The following NEDD4L variants were observed in gnomAD, a reference collection of about 807,000 sequenced individuals.
NEDD4L encodes the protein E3 ubiquitin-protein ligase NEDD4-like.
NEDD4L carries 54 observed loss-of-function variants against 148.9 expected under a neutral mutation model. The ratio of observed to expected loss-of-function variants is 0.36; its 90% CI spans 0.29 to 0.45. The LOEUF is 0.45. Ranked by LOEUF, NEDD4L falls within the 20% of genes least tolerant of loss-of-function variation. NEDD4L has a pLI of 1.00. For synonymous variants in NEDD4L, 433 were observed against 440.7 expected (o/e 0.98, Z 0.22); for missense variants, 856 against 1,233.8 (o/e 0.69, Z 4.59).
chr18:58,308,094 T>C (rs1352508154), intron 5 of NEDD4L, among the ~76,000 whole-genome samples: 1 of 152,222 alleles, frequency 6.6e-6, no homozygotes, highest in Non-Finnish European at 1.5e-5. Context: ...CAATATTATA[T>C]TAAGAGAACC....
chr18:58,101,404 C>T (rs947596791), intron 1 of NEDD4L, among the ~76,000 whole-genome samples: 2 of 152,138 alleles, frequency 1.3e-5, no homozygotes, highest in African/African-American at 2.4e-5. Flanking sequence ...TTGCAATCTG[C>T]GCCTTCTGAA....
At chr18:58,227,475 C>A (rs2044500475) in intron 2 of NEDD4L, among the ~76,000 whole-genome samples, 1 of 152,156 alleles carries the variant, frequency 6.6e-6, no homozygotes, top group South Asian at 2.1e-4. Context: ...GTCACCTCAT[C>A]CCACCTTTAC....
chr18:58,377,092 C>G (rs951778210), intron 24 of NEDD4L, among the ~76,000 whole-genome samples: 7 of 152,228 alleles, frequency 4.6e-5, no homozygotes, highest in Admixed American at 6.5e-5. Flanking sequence ...AGCTTCCTCC[C>G]GATGATGGCA....
chr18:58,372,854 G>A (rs776840845), intron 23 of NEDD4L, among the ~76,000 whole-genome samples: 1 of 150,668 alleles, frequency 6.6e-6, no homozygotes, highest in African/African-American at 2.4e-5. Context: ...AAAAGAGAGA[G>A]AGAAAAGAAA....
intron 3 of NEDD4L, among the ~76,000 whole-genome samples, chr18:58,248,331 G>A (rs2047522083): frequency 1.3e-5 from 2 of 152,208 alleles, no homozygotes; most frequent in Admixed American, 1.3e-4. Context: ...GAGGAAGACT[G>A]AAGGATAAGT....
Position 58,047,831 on chromosome 18 carries a change from GT to G in NEDD4L, c.48+3124del, listed in dbSNP as rs1432618299. Among the ~76,000 whole-genome samples the G allele has an allele frequency of 3.3e-5, 5 of 152,290 alleles. No individual in the cohort carries two copies. The East Asian group carries it at 9.6e-4, about 29-fold the overall frequency. ...ATTTCTTTATTTTTGGCAATCTGTA[GT>G]GCATTTTGGCATAGTTTACTTATGA... On this transcript the variant is annotated intron_variant, in intron 1 of 30. Transcript: ENST00000400345.
rs148138697 is a variant in NEDD4L, at chr18:58,074,171, T to G, written c.48+29463T>G. On this transcript the variant is annotated intron_variant, in intron 1 of 30. Coordinates refer to ENST00000400345, the MANE Select transcript of NEDD4L (RefSeq NM_001144967.3). ...CTCATCTAACAGGTGAGCTTAAGTT[T>G]CCATTGATGGCAGACCTATCAGATG... Among the ~76,000 whole-genome samples, 283 of 152,254 alleles carry G rather than the reference T, an allele frequency of 1.9e-3. 5 individuals are homozygous for G. The East Asian group carries it at 0.049, about 26-fold the overall frequency.
rs568038531 is a variant in NEDD4L, at chr18:58,186,109, G to A, written c.122+20248G>A. On this transcript the variant is annotated intron_variant, in intron 2 of 30. Transcript: ENST00000400345. Reference sequence around the variant, plus strand: ...CAGAGAAGGATACGTATGCACACGGGAACAGAGAAGGATGCACAAGAACAT... The same window carrying A: ...CAGAGAAGGATACGTATGCACACGGAAACAGAGAAGGATGCACAAGAACAT... Among the ~76,000 whole-genome samples, 360 of 140,274 alleles carry A rather than the reference G, an allele frequency of 2.6e-3. 5 individuals carry two copies. Among genetic ancestry groups the A allele is most frequent in the African/African-American group, 0.011 (333 of 30,320 alleles). 92.0% of individuals were successfully genotyped at this position (140,274 alleles called of 152,430 possible). A position where few individuals can be genotyped will look rare whatever the true frequency, so the allele number is the denominator to read the frequency against.
chr18:58,225,711 T>TA (rs2044273699), intron 2 of NEDD4L, among the ~76,000 whole-genome samples: 1 of 152,124 alleles, frequency 6.6e-6, no homozygotes, highest in Non-Finnish European at 1.5e-5. Context: ...AAGGGCACAT[T>TA]ATTAGGTCCG....
At chr18:58,314,278 G>A (rs1409825771) in intron 5 of NEDD4L, among the ~76,000 whole-genome samples, 4 of 152,040 alleles carry the variant, frequency 2.6e-5, no homozygotes, top group East Asian at 1.9e-4. Context: ...TTAGCTGGGC[G>A]TGGTGGTGTG....
chr18:58,225,954 G>A (rs1189526584), intron 2 of NEDD4L, among the ~76,000 whole-genome samples: 3 of 152,166 alleles, frequency 2.0e-5, no homozygotes, highest in African/African-American at 7.2e-5. Context: ...ACATTTTCCA[G>A]TGTGTCTACT....
At chr18:58,338,191 A>G (rs774371607) in intron 13 of NEDD4L, among the ~76,000 whole-genome samples, 5 of 152,256 alleles carry the variant, frequency 3.3e-5, no homozygotes, top group Non-Finnish European at 7.3e-5. Context: ...TATTCAGTCT[A>G]TGATGAAAAG....
intron 1 of NEDD4L, among the ~76,000 whole-genome samples, chr18:58,127,095 T>G (rs563283): frequency 0.12 from 18,281 of 152,280 alleles, 1,137 homozygotes; most frequent in South Asian, 0.23. Context: ...TGCTTTTCTC[T>G]GATAGCAAAC....
intron 1 of NEDD4L, 22 bp from the exon 2 acceptor site, chr18:58,165,766 T>G (rs775376380): frequency 3.9e-5 from 62 of 1,602,202 alleles, no homozygotes; most frequent in Non-Finnish European, 5.0e-5. Context: ...TTTAACCTCT[T>G]TTTTTGTTCT....
At chr18:58,214,815 T>TTGTTG (rs1555740339) in intron 2 of NEDD4L, among the ~76,000 whole-genome samples, 33 of 127,162 alleles carry the variant, frequency 2.6e-4, no homozygotes, top group African/African-American at 7.1e-4. Flanking sequence ...TTTTTTTTTT[T>TTGTTG]TTGTTGTTGT....
intron 2 of NEDD4L, among the ~76,000 whole-genome samples, chr18:58,199,798 A>G (rs2041194094): frequency 6.6e-6 from 1 of 152,224 alleles, no homozygotes; most frequent in African/African-American, 2.4e-5. Context: ...ATGGAAAGAA[A>G]ATTGCATCTT....
chr18:58,243,038 A>T (rs2046833557), intron 2 of NEDD4L, among the ~76,000 whole-genome samples: 1 of 152,172 alleles, frequency 6.6e-6, no homozygotes, highest in Non-Finnish European at 1.5e-5. Context: ...TATCCCACCC[A>T]CAGTCCCCAG....
At chr18:58,370,247 C>T in intron 22 of NEDD4L, 150 bp from the exon 23 acceptor site, 1 of 627,888 alleles carries the variant, frequency 1.6e-6, no homozygotes, top group Non-Finnish European at 2.9e-6. Context: ...CTGATCTCGC[C>T]TCCTCGCTTG....
chr18:58,169,536 T>C (rs564843407), intron 2 of NEDD4L, among the ~76,000 whole-genome samples: 13 of 90,162 alleles, frequency 1.4e-4, no homozygotes, highest in Admixed American at 5.2e-4. Flanking sequence ...TGATTTTTTT[T>C]CCCCAAAACA....
Sources: gnomAD v4.1 joint callset for allele counts (sites outside exome capture counted in the v4.1 genomes callset) on GRCh38, gnomAD v4.1.1 for gene constraint, MANE v1.5 for transcripts, NCBI Gene and HGNC (gene_info 2026-07-23, HGNC 2026-07-21) for gene names.